Variants in SH3PXD2B observed in about 807,000 individuals in gnomAD.
SH3PXD2B encodes SH3 and PX domains 2B, also known as SH3 and PX domain-containing protein 2B.
A neutral mutation model predicts 73.1 loss-of-function variants in SH3PXD2B; 37 were observed. The ratio of observed to expected loss-of-function variants is 0.51; its 90% CI spans 0.39 to 0.67. The LOEUF is 0.67. Among genes scored for constraint, SH3PXD2B ranks in the 30% least tolerant of loss-of-function variants. SH3PXD2B has a pLI of 0.00. For synonymous variants in SH3PXD2B, 457 were observed against 480.5 expected (o/e 0.95, Z 0.64); for missense variants, 1,053 against 1,197.8 (o/e 0.88, Z 1.78).
chr5:172,350,615 C>G (rs1411705694), intron 9 of SH3PXD2B, 26 bp from the exon 10 acceptor site: 2 of 1,572,036 alleles, frequency 1.3e-6, no homozygotes, highest in Admixed American at 3.7e-5. Flanking sequence ...AGGATGCTGT[C>G]AAACTGCTCC....
intron 1 of SH3PXD2B, among the ~76,000 whole-genome samples, chr5:172,429,500 T>C (rs1361439851): frequency 6.6e-6 from 1 of 152,176 alleles, no homozygotes; most frequent in East Asian, 1.9e-4. Flanking sequence ...GCAGGGCCTG[T>C]GTGATCTAAC....
chr5:172,388,875 A>G (rs536188052), intron 4 of SH3PXD2B, among the ~76,000 whole-genome samples: 132 of 152,310 alleles, frequency 8.7e-4, no homozygotes, highest in African/African-American at 3.0e-3. Context: ...GAGGTTTGGA[A>G]AGTGACAAGG....
chr5:172,454,502 C>A lies in SH3PXD2B; in HGVS notation c.-150G>T, dbSNP rs1759890986. 1.9e-5 allele frequency: 4 copies of A among 207,398 alleles called. No individual in the cohort carries two copies. The highest frequency in any genetic ancestry group is 4.8e-5 in the African/African-American group (2 of 41,696). 12.8% of individuals were successfully genotyped at this position (207,398 alleles called of 1,614,324 possible). A position where few individuals can be genotyped will look rare whatever the true frequency, so the allele number is the denominator to read the frequency against. ...CACGAGCCGCCGCCGCCACCGCCGC[C>A]GCCCTTCGCTCGGCGCGCACTCCAG... is the stretch of plus-strand genomic sequence containing the variant. On this transcript the variant is annotated 5_prime_UTR_variant, in exon 1 of 13. Transcript: ENST00000311601.
At chr5:172,451,237 A>G (rs1433951159) in intron 1 of SH3PXD2B, among the ~76,000 whole-genome samples, 1 of 152,154 alleles carries the variant, frequency 6.6e-6, no homozygotes, top group East Asian at 1.9e-4. Flanking sequence ...CTCACAGGCA[A>G]GTGAGTGATG....
downstream of SH3PXD2B, among the ~76,000 whole-genome samples, chr5:172,330,041 AC>A (rs1490679655): frequency 6.6e-6 from 1 of 152,160 alleles, no homozygotes; most frequent in African/African-American, 2.4e-5. Flanking sequence ...AATGCTTAGG[AC>A]CAGAAGTGTT....
chr5:172,438,108 C>T (rs917276564), intron 1 of SH3PXD2B, among the ~76,000 whole-genome samples: 20 of 152,194 alleles, frequency 1.3e-4, no homozygotes, highest in African/African-American at 4.6e-4. Context: ...TCCAGCCTGG[C>T]TGGCTTTCTC....
chr5:172,449,846 C>T (rs139032169), intron 1 of SH3PXD2B, among the ~76,000 whole-genome samples: 2 of 152,336 alleles, frequency 1.3e-5, no homozygotes, highest in East Asian at 3.9e-4. Flanking sequence ...CTGCTGGAAA[C>T]ATCCTAACAG....
chr5:172,333,415 T>C, downstream of SH3PXD2B: 1 of 845,752 alleles, frequency 1.2e-6, no homozygotes, highest in Non-Finnish European at 1.5e-6. Flanking sequence ...CTGGCATAGG[T>C]TTCTGTTCTT....
At chr5:172,331,713 A>G (rs1756560034), downstream of SH3PXD2B, among the ~76,000 whole-genome samples, 1 of 152,178 alleles carries the variant, frequency 6.6e-6, no homozygotes, top group Non-Finnish European at 1.5e-5. Context: ...GCACTTTGGG[A>G]GGCCAAGGCG....
intron 2 of SH3PXD2B, among the ~76,000 whole-genome samples, chr5:172,413,174 T>C (rs977426665): frequency 2.0e-5 from 3 of 152,250 alleles, no homozygotes; most frequent in African/African-American, 7.2e-5. Context: ...GGGGCCATCA[T>C]GCGCAGCTGC....
At chr5:172,390,815 T>TGTGTGTGTGTGTGTGTGTGTG (rs1758168687) in intron 4 of SH3PXD2B, among the ~76,000 whole-genome samples, 2 of 139,898 alleles carry the variant, frequency 1.4e-5, no homozygotes, top group African/African-American at 5.4e-5. Context: ...TTCCCGTCTT[T>TGTGTGTGTGTGTGTGTGTGTG]TGTGTGTGTG....
At position 172,394,705 on chromosome 5, in the gene SH3PXD2B, G is replaced by C. The variant is rs1383498331; in HGVS notation, c.233-66C>G. ...GGGACAAGCTCTCAGCAACCTGAGA[G>C]GGTGTGGACATGGCGGTTCCTAGGG... On this transcript the variant is annotated intron_variant, in intron 3 of 12. Coordinates refer to ENST00000311601, the MANE Select transcript of SH3PXD2B (RefSeq NM_001017995.3). The C allele has an allele frequency of 4.5e-6, 7 of 1,563,300 alleles. No individual in the cohort carries two copies. The African/African-American group carries it at 9.5e-5, about 21-fold the overall frequency.
At chr5:172,347,214 A>T in intron 11 of SH3PXD2B, 69 bp downstream of exon 11, 1 of 1,474,570 alleles carries the variant, frequency 6.8e-7, no homozygotes, top group South Asian at 1.1e-5. Context: ...GGGGTGTGTG[A>T]GGGGCTAGTG....
chr5:172,407,622 G>A (rs1317197513), intron 2 of SH3PXD2B, among the ~76,000 whole-genome samples: 1 of 152,230 alleles, frequency 6.6e-6, no homozygotes. Flanking sequence ...GCTGGAATGT[G>A]AAAAGCCTGC....
chr5:172,348,844 C>T (rs1757087624), intron 10 of SH3PXD2B, among the ~76,000 whole-genome samples: 1 of 151,958 alleles, frequency 6.6e-6, no homozygotes, highest in African/African-American at 2.4e-5. Context: ...GTAGCTGGGA[C>T]TACAGGTGTG....
At chr5:172,331,680 G>A (rs186566814), downstream of SH3PXD2B, among the ~76,000 whole-genome samples, 2 of 152,186 alleles carry the variant, frequency 1.3e-5, no homozygotes, top group Non-Finnish European at 2.9e-5. Context: ...GGCTGGGCAC[G>A]GTGGCTCATG....
At position 172,339,250 on chromosome 5, in the gene SH3PXD2B, T is replaced by TG; in HGVS notation, c.1854dup (p.Lys619GlnfsTer3). 6.2e-7 allele frequency: 1 copy of TG among 1,614,172 alleles called. No individual in the cohort carries two copies. The highest frequency in any genetic ancestry group is 8.5e-7 in the Non-Finnish European group (1 of 1,180,020). On this transcript the variant is annotated frameshift_variant, in exon 13 of 13. Transcript: ENST00000311601. LOFTEE classifies it high-confidence loss of function. This position sits in a 1 kb window ranked among gnomAD's most constrained non-coding sequence, Gnocchi z 6.1. ...GGCTTCTCCTCTGGCAGGTCAGTTT[T>TG]GGATTTGGAGATGGGCCGGAGGTTG... is the stretch of plus-strand genomic sequence containing the variant.
intron 1 of SH3PXD2B, among the ~76,000 whole-genome samples, chr5:172,432,452 G>A (rs1265920397): frequency 6.6e-6 from 1 of 152,168 alleles, no homozygotes; most frequent in Non-Finnish European, 1.5e-5. Context: ...AATGAGGGGG[G>A]AGTGTCGCTC....
At chr5:172,378,823 C>T (rs1197974916) in intron 5 of SH3PXD2B, among the ~76,000 whole-genome samples, 1 of 152,166 alleles carries the variant, frequency 6.6e-6, no homozygotes, top group Non-Finnish European at 1.5e-5. Flanking sequence ...GTAATCCCAG[C>T]ACTTTGGGAG....
Sources: allele counts gnomAD v4.1 joint callset (sites outside exome capture counted in the v4.1 genomes callset), GRCh38; gene constraint gnomAD v4.1.1; non-coding constraint Gnocchi (gnomAD v3.1); transcripts MANE v1.5; gene names NCBI Gene and HGNC (gene_info 2026-07-23, HGNC 2026-07-21).